The following CHORDC1 variants were observed in gnomAD, a reference collection of about 807,000 sequenced individuals.
CHORDC1 encodes the protein cysteine and histidine-rich domain-containing protein 1.
A neutral mutation model predicts 48.3 loss-of-function variants in CHORDC1; 25 were observed. The ratio of observed to expected loss-of-function variants is 0.52; its 90% confidence interval spans 0.38 to 0.72. CHORDC1 has a LOEUF of 0.72. Among genes scored for constraint, CHORDC1 ranks in the 30% least tolerant of loss-of-function variants. CHORDC1 has a pLI of 0.00. For missense variants in CHORDC1, 317 were observed against 388.7 expected (o/e 0.82, Z 1.55); for synonymous variants, 128 against 126.4 (o/e 1.01, Z -0.09).
chr11:90,202,890 C>A lies in CHORDC1; in HGVS notation c.790-15G>T. On this transcript the variant is annotated splice_polypyrimidine_tract_variant and intron_variant, in intron 9 of 10. Coordinates refer to ENST00000320585, the MANE Select transcript of CHORDC1 (RefSeq NM_012124.3). ...TGCACATTTAACTGAAAAAGATATACACAGTTAATTGATCTAATTCAAACT... is the reference window on the plus strand; with the variant it reads ...TGCACATTTAACTGAAAAAGATATAAACAGTTAATTGATCTAATTCAAACT... 2 of 1,579,336 alleles carry A rather than the reference C, an allele frequency of 1.3e-6. No individual in the cohort carries two copies. The highest frequency in any genetic ancestry group is 1.2e-5 in the South Asian group (1 of 85,772).
At position 90,218,124 on chromosome 11, in the gene CHORDC1, A is replaced by T; in HGVS notation, c.114+11T>A. The T allele has an allele frequency of 1.3e-6, 2 of 1,555,412 alleles. No homozygotes were observed. Among genetic ancestry groups the T allele is most frequent in the Non-Finnish European group, 1.7e-6 (2 of 1,151,940 alleles). On this transcript the variant is annotated intron_variant, in intron 2 of 10. Transcript: ENST00000320585. ...ACACAGATATGAAAAAAATGAAAAT[A>T]TAGTTCCTACCTTTAATGCATCGTG...
At chr11:90,221,382 A>ATTGGAATT (rs1858168311) in intron 1 of CHORDC1, among the ~76,000 whole-genome samples, 1 of 152,228 alleles carries the variant, frequency 6.6e-6, no homozygotes. Flanking sequence ...AAATATACTT[A>ATTGGAATT]TTGGAATTTC....
At position 90,200,466 on chromosome 11, in the gene CHORDC1, CT is replaced by C; in HGVS notation, c.*1938del. Among the ~76,000 whole-genome samples, 1 of 151,964 alleles carries C rather than the reference CT, an allele frequency of 6.6e-6. No homozygotes were observed. The highest frequency in any genetic ancestry group is 1.9e-4 in the East Asian group (1 of 5,180). On this transcript the variant is annotated 3_prime_UTR_variant, in exon 11 of 11. Transcript: ENST00000320585. ...TAAATCAATAAGCACTTTTTATTAACTTTTTTGACAAACCGATAGTAAAACA... is the reference window on the plus strand; with the variant it reads ...TAAATCAATAAGCACTTTTTATTAACTTTTTGACAAACCGATAGTAAAACA...
intron 1 of CHORDC1, 67 bp from the exon 2 acceptor site, chr11:90,218,251 A>G: frequency 8.4e-7 from 1 of 1,191,020 alleles, no homozygotes; most frequent in Non-Finnish European, 1.2e-6. Context: ...ATACATGATC[A>G]TCTCCTTAAG....
intron 7 of CHORDC1, 186 bp downstream of exon 7, chr11:90,206,014 TTC>T: frequency 5.1e-6 from 3 of 591,182 alleles, no homozygotes; most frequent in Non-Finnish European, 9.2e-6. Flanking sequence ...GTAACCTTGT[TTC>T]TGTTTTCTCA....
intron 1 of CHORDC1, 82 bp from the exon 2 acceptor site, chr11:90,218,266 T>G: frequency 2.0e-6 from 2 of 1,009,506 alleles, no homozygotes; most frequent in Non-Finnish European, 1.4e-6. Context: ...CTTAAGGTGT[T>G]AACCTTTAAT....
chr11:90,214,239 T>G (rs963101094), intron 3 of CHORDC1, 64 bp from the exon 4 acceptor site: 1 of 1,172,346 alleles, frequency 8.5e-7, no homozygotes, highest in African/African-American at 1.6e-5. Flanking sequence ...AAATATTATC[T>G]TTTCAGTTCT....
At chr11:90,222,633 C>G (rs1419244244) in intron 1 of CHORDC1, 1 of 678,718 alleles carries the variant, frequency 1.5e-6, no homozygotes, top group Admixed American at 2.0e-5. Context: ...GGGGGAAACA[C>G]GTGGATCCAT....
chr11:90,208,645 T>G (rs537711956), intron 6 of CHORDC1: 2 of 152,138 alleles, frequency 1.3e-5, no homozygotes, highest in Non-Finnish European at 2.9e-5. Context: ...ATTTTTACAT[T>G]AAACTCAGAA....
intron 4 of CHORDC1, chr11:90,213,356 C>G (rs1554988573): frequency 7.9e-6 from 5 of 635,328 alleles, no homozygotes; most frequent in Non-Finnish European, 1.4e-5. Context: ...AAAAAATCAC[C>G]TTTTTTTAAG....
intron 2 of CHORDC1, among the ~76,000 whole-genome samples, 181 bp from the exon 3 acceptor site, chr11:90,215,411 A>G (rs1857983014): frequency 6.6e-6 from 1 of 152,062 alleles, no homozygotes; most frequent in South Asian, 2.1e-4. Context: ...TTTGATTTTT[A>G]AAAAGCCAAT....
rs1411780687 is a variant in CHORDC1, at chr11:90,201,463, TTTTA to T, written c.*938_*941del. ...AAAAACTCCAAAACAATTAAGCTAT[TTTTA>T]TTTAACATGTAATAGTCATAAAGCA... On this transcript the variant is annotated 3_prime_UTR_variant, in exon 11 of 11. Coordinates refer to ENST00000320585, the MANE Select transcript of CHORDC1 (RefSeq NM_012124.3). The T allele has an allele frequency of 2.6e-5, 4 of 151,994 alleles. No homozygotes were observed. Among genetic ancestry groups the T allele is most frequent in the Non-Finnish European group, 5.9e-5 (4 of 67,864 alleles). The allele number at this position is 151,994 out of a possible 1,614,324, so 9.4% of individuals were successfully genotyped here. A position where few individuals can be genotyped will look rare whatever the true frequency, so the allele number is the denominator to read the frequency against.
intron 6 of CHORDC1, among the ~76,000 whole-genome samples, chr11:90,209,795 C>G (rs1197296170): frequency 6.6e-6 from 1 of 152,174 alleles, no homozygotes; most frequent in African/African-American, 2.4e-5. Context: ...GCTGGTTTCT[C>G]TTCTTCCAAT....
At chr11:90,205,958 ATG>A in intron 7 of CHORDC1, 1 of 508,552 alleles carries the variant, frequency 2.0e-6, no homozygotes, top group East Asian at 3.7e-5. Flanking sequence ...AATACAGAAT[ATG>A]AAGAAAAACA....
intron 2 of CHORDC1, chr11:90,216,566 G>C (rs1047177406): frequency 2.3e-6 from 1 of 439,034 alleles, no homozygotes; most frequent in South Asian, 1.6e-5. Context: ...TTAAGAAATG[G>C]TTATAAAATA....
At chr11:90,207,792 T>TAAAAAAAAA (rs1857744226) in intron 6 of CHORDC1, 1 of 79,900 alleles carries the variant, frequency 1.3e-5, no homozygotes. Context: ...AAAAAACTCG[T>TAAAAAAAAA]ATAACAAAAT....
chr11:90,215,044 T>G (rs1169103381), intron 3 of CHORDC1, 130 bp downstream of exon 3: 1 of 467,434 alleles, frequency 2.1e-6, no homozygotes, highest in Non-Finnish European at 3.8e-6. Context: ...TGAGCTGCTT[T>G]TTGAAAGGTG....
In CHORDC1 at chr11:90,201,430, CTT is replaced by C. The variant is rs1236585557; in HGVS notation, c.*973_*974del. 4 of 151,658 alleles carry C rather than the reference CTT, an allele frequency of 2.6e-5. No homozygotes were observed. Among genetic ancestry groups the C allele is most frequent in the Admixed American group, 1.3e-4 (2 of 15,232 alleles). The allele number at this position is 151,658 out of a possible 1,614,324, so 9.4% of individuals were successfully genotyped here. Reference sequence around the variant, plus strand: ...ACTAGAATTGTGAAGCTCTTCATGACTTTAAAAAAAAACTCCAAAACAATTAA... The same window carrying C: ...ACTAGAATTGTGAAGCTCTTCATGACTAAAAAAAAACTCCAAAACAATTAA... On this transcript the variant is annotated 3_prime_UTR_variant, in exon 11 of 11. Coordinates refer to ENST00000320585, the MANE Select transcript of CHORDC1 (RefSeq NM_012124.3).
At chr11:90,209,654 G>C (rs1008281774) in intron 6 of CHORDC1, among the ~76,000 whole-genome samples, 9 of 152,260 alleles carry the variant, frequency 5.9e-5, no homozygotes, top group Middle Eastern at 3.4e-3. Context: ...TGGAGGATAT[G>C]CAAGTTTTAT....
Sources: gnomAD v4.1 joint callset for allele counts (sites outside exome capture counted in the v4.1 genomes callset) on GRCh38, gnomAD v4.1.1 for gene constraint, MANE v1.5 for transcripts, NCBI Gene and HGNC (gene_info 2026-07-23, HGNC 2026-07-21) for gene names.